Variants in NEK6 observed in about 807,000 individuals in gnomAD.
NEK6 encodes the protein serine/threonine-protein kinase Nek6.
A neutral mutation model predicts 43.5 loss-of-function variants in NEK6; 27 were observed. The ratio of observed to expected loss-of-function variants is 0.62; its 90% CI spans 0.46 to 0.86. The LOEUF is 0.86. Ranked by LOEUF, NEK6 falls within the 40% of genes least tolerant of loss-of-function variation. NEK6 has a pLI of 0.00. For synonymous variants in NEK6, 167 were observed against 164.1 expected, an observed-to-expected ratio of 1.02 and a Z score of -0.14; for missense variants, 318 against 414.4, an observed-to-expected ratio of 0.77 and a Z score of 2.02.
rs189086459 is a variant in NEK6, at chr9:124,351,848, C to A, written c.*901C>A. The A allele has an allele frequency of 5.3e-4, 81 of 152,390 alleles. 1 individual carries two copies. Among genetic ancestry groups the A allele is most frequent in the Admixed American group, 2.4e-3 (37 of 15,304 alleles). 9.4% of individuals were successfully genotyped at this position (152,390 alleles called of 1,614,324 possible). A position where few individuals can be genotyped will look rare whatever the true frequency, so the allele number is the denominator to read the frequency against. On this transcript the variant is annotated 3_prime_UTR_variant, in exon 10 of 10. Transcript: ENST00000320246. ...TGAGATTAATAGTACCTATCATCTA[C>A]CTTCAGGATTGCTGACAGACAGAAT...
rs1167334632 is a variant in NEK6, at chr9:124,324,764, G to C, written c.406-1566G>C. On this transcript the variant is annotated intron_variant, in intron 5 of 9. Transcript: ENST00000320246. The surrounding 1 kb of genome is among the most constrained non-coding windows in gnomAD (Gnocchi z 5.3). ...AGGTCAGGGGCTCCCCACTGCGACT[G>C]TCCCACCGTGGGAAGCACCCAGACC... Among the ~76,000 whole-genome samples the C allele has an allele frequency of 3.3e-5, 5 of 152,182 alleles. No individual in the cohort carries two copies. The highest frequency in any genetic ancestry group is 6.5e-5 in the Admixed American group (1 of 15,280).
chr9:124,352,605 C>T lies in NEK6; in HGVS notation c.*1658C>T, dbSNP rs1247156222. On this transcript the variant is annotated 3_prime_UTR_variant, in exon 10 of 10. Transcript: ENST00000320246. ...AATAATTTTGAAACTCATCATCAGC[C>T]GAGTTTCTGCCCTCATGAGGTAATT... is the stretch of plus-strand genomic sequence containing the variant. The T allele has an allele frequency of 6.6e-6, 1 of 151,362 alleles. No homozygotes were observed. The highest frequency in any genetic ancestry group is 1.5e-5 in the Non-Finnish European group (1 of 67,882). 9.4% of individuals were successfully genotyped at this position (151,362 alleles called of 1,614,324 possible).
intron 1 of NEK6, among the ~76,000 whole-genome samples, chr9:124,297,640 T>C (rs562395294): frequency 1.1e-4 from 16 of 152,352 alleles, no homozygotes; most frequent in Non-Finnish European, 2.1e-4. Context: ...AAGCCCTCTT[T>C]GAGGTGGTGT....
Position 124,326,202 on chromosome 9 carries a change from T to TCCCCCCCCCCCCCCCCCC in NEK6, c.406-117_406-116insCCCCCCCCCCCCCCCCCC, listed in dbSNP as rs61223297. 56 of 125,226 alleles carry TCCCCCCCCCCCCCCCCCC rather than the reference T, an allele frequency of 4.5e-4. 14 individuals carry two copies. The highest frequency in any genetic ancestry group is 1.0e-3 in the South Asian group (16 of 15,402). 7.8% of individuals were successfully genotyped at this position (125,226 alleles called of 1,614,324 possible). On this transcript the variant is annotated intron_variant, in intron 5 of 9. Transcript: ENST00000320246. The surrounding 1 kb of genome is among the most constrained non-coding windows in gnomAD (Gnocchi z 4.5). ...GCTTATTGTTTGCTCAGTGGCTCAA[T>TCCCCCCCCCCCCCCCCCC]CCCCCCCCCCCGCCCCTGCCAGGCA...
chr9:124,299,715 C>T (rs1045000031), intron 1 of NEK6, among the ~76,000 whole-genome samples: 2 of 152,080 alleles, frequency 1.3e-5, no homozygotes, highest in Admixed American at 6.5e-5. Context: ...AATGCCCCTC[C>T]GTGTGACACT....
At chr9:124,312,718 C>T (rs752548245) in intron 3 of NEK6, 69 bp downstream of exon 3, 182 of 1,502,244 alleles carry the variant, frequency 1.2e-4, no homozygotes, top group Middle Eastern at 1.8e-4. Context: ...ACGGGGTGCC[C>T]GGGCCAGTCC....
chr9:124,262,611 G>C (rs1253788631), intron 1 of NEK6, among the ~76,000 whole-genome samples: 2 of 152,216 alleles, frequency 1.3e-5, no homozygotes, highest in African/African-American at 4.8e-5. Context: ...CACCCCACCA[G>C]ACCTGACTGG....
intron 2 of NEK6, among the ~76,000 whole-genome samples, chr9:124,308,436 G>A (rs1833366267): frequency 6.6e-6 from 1 of 152,136 alleles, no homozygotes; most frequent in South Asian, 2.1e-4. Flanking sequence ...TGGATCACCT[G>A]AGGTCAGGTG....
At chr9:124,347,588 A>T (rs566285401) in intron 8 of NEK6, 121 bp from the exon 9 acceptor site, 1 of 576,046 alleles carries the variant, frequency 1.7e-6, no homozygotes, top group Non-Finnish European at 3.1e-6. Context: ...GTCCTGCTGG[A>T]CTCGCCGCGG....
intron 2 of NEK6, among the ~76,000 whole-genome samples, chr9:124,311,220 C>G (rs1036063730): frequency 6.6e-6 from 1 of 152,198 alleles, no homozygotes; most frequent in South Asian, 2.1e-4. Flanking sequence ...CTCCTAAAGA[C>G]GCCTCGGTAC....
At chr9:124,261,867 C>T (rs1831044071) in intron 1 of NEK6, among the ~76,000 whole-genome samples, 1 of 152,136 alleles carries the variant, frequency 6.6e-6, no homozygotes, top group South Asian at 2.1e-4. Flanking sequence ...TGCGAAGGCT[C>T]AGCCACATTT....
At chr9:124,271,313 C>T (rs910886101) in intron 1 of NEK6, among the ~76,000 whole-genome samples, 1 of 152,228 alleles carries the variant, frequency 6.6e-6, no homozygotes, top group African/African-American at 2.4e-5. Context: ...CGTGGTGCCC[C>T]AGAGATCAGA....
At chr9:124,294,750 C>T (rs1832598962) in intron 1 of NEK6, among the ~76,000 whole-genome samples, 1 of 152,140 alleles carries the variant, frequency 6.6e-6, no homozygotes, top group African/African-American at 2.4e-5. Context: ...ATGGCTTGCT[C>T]CGGTGTGCGG....
chr9:124,308,748 G>C (rs1017157465), intron 2 of NEK6, among the ~76,000 whole-genome samples: 5 of 150,924 alleles, frequency 3.3e-5, no homozygotes, highest in Non-Finnish European at 7.4e-5. Context: ...CACCCTGGGC[G>C]CACTGTTCTG....
intron 1 of NEK6, among the ~76,000 whole-genome samples, chr9:124,284,438 G>C (rs1832061422): frequency 6.6e-6 from 1 of 152,220 alleles, no homozygotes; most frequent in Non-Finnish European, 1.5e-5. Context: ...AACGGACTCG[G>C]GTCTTTCCTG....
At chr9:124,293,578 C>T (rs551969809) in intron 1 of NEK6, among the ~76,000 whole-genome samples, 2 of 152,288 alleles carry the variant, frequency 1.3e-5, no homozygotes, top group African/African-American at 2.4e-5. Context: ...GCCCTGGGAA[C>T]CCTGCAGTGT....
In NEK6 at chr9:124,326,205, C is replaced by CA. The variant is rs1834324426; in HGVS notation, c.406-125_406-124insA. 8.1e-6 allele frequency: 1 copy of CA among 122,836 alleles called. No homozygotes were observed. The highest frequency in any genetic ancestry group is 8.7e-5 in the Admixed American group (1 of 11,500). 7.6% of individuals were successfully genotyped at this position (122,836 alleles called of 1,614,324 possible). A position where few individuals can be genotyped will look rare whatever the true frequency, so the allele number is the denominator to read the frequency against. On this transcript the variant is annotated intron_variant, in intron 5 of 9. Transcript: ENST00000320246. The surrounding 1 kb of genome is among the most constrained non-coding windows in gnomAD (Gnocchi z 4.5). ...TATTGTTTGCTCAGTGGCTCAATCCCCCCCCCCCGCCCCTGCCAGGCACCA... is the reference window on the plus strand; with the variant it reads ...TATTGTTTGCTCAGTGGCTCAATCCCACCCCCCCCGCCCCTGCCAGGCACCA...
chr9:124,301,973 A>G lies in NEK6; in HGVS notation c.9A>G (p.Gly3=). Residue 3 remains glycine (G), a synonymous_variant, in exon 2 of 10, where the codon GGA becomes GGG. Coordinates refer to ENST00000320246, the MANE Select transcript of NEK6 (RefSeq NM_014397.6). MA[G]QPGHMPHGGS... is the part of the protein sequence containing the mutation. ...TGAGGCTGGCATGCAGGATGGCAGG[A>G]CAGCCCGGCCACATGCCCCATGGAG... The G allele has an allele frequency of 6.3e-7, 1 of 1,599,348 alleles. No individual in the cohort carries two copies. The highest frequency in any genetic ancestry group is 1.1e-5 in the South Asian group (1 of 88,392).
chr9:124,300,346 G>C (rs936282819), intron 1 of NEK6, among the ~76,000 whole-genome samples: 1 of 152,170 alleles, frequency 6.6e-6, no homozygotes, highest in Admixed American at 6.5e-5. Flanking sequence ...AGCCCGGAGG[G>C]TGTTGATGCC....
Sources: gnomAD v4.1 joint callset for allele counts (sites outside exome capture counted in the v4.1 genomes callset) on GRCh38, gnomAD v4.1.1 for gene constraint, Gnocchi (gnomAD v3.1) non-coding constraint, MANE v1.5 for transcripts, NCBI Gene and HGNC (gene_info 2026-07-23, HGNC 2026-07-21) for gene names.